Variants in CSMD3 observed in about 807,000 individuals in gnomAD.
The protein encoded by CSMD3 is CUB and sushi domain-containing protein 3.
CSMD3 carries 177 observed loss-of-function variants against 435.2 expected under a neutral mutation model. That is an observed-to-expected ratio of 0.41 (90% CI 0.36 to 0.46). The LOEUF (loss-of-function observed/expected upper bound fraction) is 0.46, where lower values mean the gene tolerates loss of function less well. CSMD3 is among the 20% of genes least tolerant of loss of function. The pLI is 0.34. For missense variants in CSMD3, 4,265 were observed against 4,504.6 expected, an observed-to-expected ratio of 0.95 and a Z score of 1.52; for synonymous variants, 1,656 against 1,520.5, an observed-to-expected ratio of 1.09 and a Z score of -2.07.
At chr8:113,216,042 T>C (rs942504598) in intron 3 of CSMD3, among the ~76,000 whole-genome samples, 6 of 151,812 alleles carry the variant, frequency 4.0e-5, no homozygotes, top group Non-Finnish European at 8.8e-5. Context: ...TCTGGAAATA[T>C]ATTAAAATGT....
intron 6 of CSMD3, among the ~76,000 whole-genome samples, chr8:112,985,820 G>A (rs535396628): frequency 1.3e-4 from 20 of 152,202 alleles, no homozygotes; most frequent in African/African-American, 4.8e-4. Context: ...ACCCCCAGAT[G>A]GGACCACCTC....
intron 5 of CSMD3, among the ~76,000 whole-genome samples, chr8:113,066,499 T>G (rs1430977545): frequency 6.6e-6 from 1 of 152,156 alleles, no homozygotes; most frequent in South Asian, 2.1e-4. Context: ...GTGAAAATTT[T>G]AGTTAGCATA....
At chr8:112,461,626 A>T (rs1817456177) in intron 32 of CSMD3, among the ~76,000 whole-genome samples, 1 of 152,176 alleles carries the variant, frequency 6.6e-6, no homozygotes, top group African/African-American at 2.4e-5. Context: ...TAATGAATTG[A>T]AAAATGCAAA....
intron 4 of CSMD3, among the ~76,000 whole-genome samples, chr8:113,153,101 A>AAAAGAAAGAAAGAAAGAAAGAAAGAAAG (rs1554791157): frequency 1.3e-4 from 13 of 100,044 alleles, no homozygotes; most frequent in African/African-American, 5.2e-4. Flanking sequence ...AGAAAGAAAG[A>AAAAGAAAGAAAGAAAGAAAGAAAGAAAG]AAAGAAAGAA....
intron 4 of CSMD3, among the ~76,000 whole-genome samples, chr8:113,115,807 A>C (rs2090806928): frequency 6.6e-6 from 1 of 152,190 alleles, no homozygotes; most frequent in Non-Finnish European, 1.5e-5. Flanking sequence ...CATCAAAATT[A>C]ATATGTTTAA....
chr8:113,143,540 A>T (rs2091600081), intron 4 of CSMD3, among the ~76,000 whole-genome samples: 1 of 151,460 alleles, frequency 6.6e-6, no homozygotes, highest in Non-Finnish European at 1.5e-5. Flanking sequence ...AAAACTGTAA[A>T]CAGTGAAGAT....
chr8:113,177,281 T>C (rs1326332998), intron 3 of CSMD3, among the ~76,000 whole-genome samples: 1 of 151,578 alleles, frequency 6.6e-6, no homozygotes, highest in Admixed American at 6.6e-5. Flanking sequence ...GCTTAAAATA[T>C]ATAAATTAAG....
chr8:113,006,371 T>A (rs545667191), intron 6 of CSMD3, among the ~76,000 whole-genome samples: 1 of 152,014 alleles, frequency 6.6e-6, no homozygotes, highest in African/African-American at 2.4e-5. Flanking sequence ...TGGAAATATT[T>A]CGTTTCAGAG....
At chr8:113,115,281 T>C (rs758510719) in intron 4 of CSMD3, among the ~76,000 whole-genome samples, 1 of 152,216 alleles carries the variant, frequency 6.6e-6, no homozygotes, top group Non-Finnish European at 1.5e-5. Context: ...AATTTTGAGG[T>C]GTTCTCCTTT....
At chr8:112,581,416 A>C (rs1030149589) in intron 23 of CSMD3, among the ~76,000 whole-genome samples, 1 of 152,186 alleles carries the variant, frequency 6.6e-6, no homozygotes, top group African/African-American at 2.4e-5. Context: ...TATATCACCA[A>C]ATATAACCCT....
At chr8:112,799,338 G>C (rs1467559129) in intron 13 of CSMD3, among the ~76,000 whole-genome samples, 1 of 151,786 alleles carries the variant, frequency 6.6e-6, no homozygotes, top group African/African-American at 2.4e-5. Flanking sequence ...TATTATGCAA[G>C]TAAAAGAATT....
intron 32 of CSMD3, among the ~76,000 whole-genome samples, chr8:112,452,895 AT>A (rs1274710024): frequency 2.0e-5 from 3 of 152,182 alleles, no homozygotes; most frequent in Non-Finnish European, 4.4e-5. Context: ...ACTGAAAAGA[AT>A]CACAAAACAA....
chr8:112,847,057 G>A (rs2080344109), intron 11 of CSMD3, among the ~76,000 whole-genome samples: 1 of 151,950 alleles, frequency 6.6e-6, no homozygotes, highest in South Asian at 2.1e-4. Context: ...CTGCTACTAG[G>A]TTCTTTCTGA....
intron 17 of CSMD3, among the ~76,000 whole-genome samples, chr8:112,656,860 G>T (rs2075269763): frequency 6.6e-6 from 1 of 151,904 alleles, no homozygotes; most frequent in Admixed American, 6.6e-5. Flanking sequence ...GATAAAGTTT[G>T]TATTTGAAAA....
intron 3 of CSMD3, among the ~76,000 whole-genome samples, chr8:113,248,725 C>T (rs2093305077): frequency 2.0e-5 from 3 of 151,276 alleles, no homozygotes; most frequent in Admixed American, 6.6e-5. Flanking sequence ...TTCCACCACA[C>T]GTATAATACA....
At chr8:113,059,889 C>G (rs2088529107) in intron 5 of CSMD3, among the ~76,000 whole-genome samples, 1 of 151,982 alleles carries the variant, frequency 6.6e-6, no homozygotes, top group African/African-American at 2.4e-5. Flanking sequence ...AAGATATAGG[C>G]AAGGGTAATT....
intron 1 of CSMD3, among the ~76,000 whole-genome samples, chr8:113,428,852 T>C (rs2094652671): frequency 6.6e-6 from 1 of 151,882 alleles, no homozygotes; most frequent in South Asian, 2.1e-4. Flanking sequence ...TCTGTTTCCA[T>C]TTACAAACTT....
At chr8:112,484,788 G>T (rs1022132598) in intron 31 of CSMD3, among the ~76,000 whole-genome samples, 5 of 151,992 alleles carry the variant, frequency 3.3e-5, no homozygotes, top group Admixed American at 6.6e-5. Flanking sequence ...CAAAGTTCAT[G>T]TTCAAAGAAA....
At chr8:113,118,657 G>A (rs772367659) in intron 4 of CSMD3, among the ~76,000 whole-genome samples, 1 of 152,076 alleles carries the variant, frequency 6.6e-6, no homozygotes, top group Non-Finnish European at 1.5e-5. Context: ...GCCACACCCT[G>A]TATCTAATTT....
Sources: gnomAD v4.1 joint callset for allele counts (sites outside exome capture counted in the v4.1 genomes callset) on GRCh38, gnomAD v4.1.1 for gene constraint, MANE v1.5 for transcripts, NCBI Gene and HGNC (gene_info 2026-07-23, HGNC 2026-07-21) for gene names.